Variants in BAG5 observed in about 807,000 individuals in gnomAD.
The protein encoded by BAG5 is BAG family molecular chaperone regulator 5.
A neutral mutation model predicts 31.8 loss-of-function variants in BAG5; 25 were observed. That is an observed-to-expected ratio of 0.79 (90% CI 0.57 to 1.10). The LOEUF is 1.10. Among genes scored for constraint, BAG5 ranks in the 50% least tolerant of loss-of-function variants. BAG5 has a pLI of 0.00. For synonymous variants in BAG5, 208 were observed against 205.0 expected, an observed-to-expected ratio of 1.01 and a Z score of -0.13; for missense variants, 491 against 527.9, an observed-to-expected ratio of 0.93 and a Z score of 0.68.
In BAG5 at chr14:103,560,568, G is replaced by A; in HGVS notation, c.597C>T (p.Val199=). Reference sequence around the variant, plus strand: ...TCACACCCATCAGAAGTGCAATCAGGACCCCTCGGGCCTTGTTCACCTCAC... The same window carrying A: ...TCACACCCATCAGAAGTGCAATCAGAACCCCTCGGGCCTTGTTCACCTCAC... ...VMCEVNKARG[V]LIALLMGVNN... Residue 199 remains valine (V), a synonymous_variant, in exon 2 of 2, where the codon GTC becomes GTT. Coordinates refer to ENST00000299204, the MANE Select transcript of BAG5 (RefSeq NM_001015048.3). 1 of 1,614,064 alleles carries A rather than the reference G, an allele frequency of 6.2e-7. No individual in the cohort carries two copies. The highest frequency in any genetic ancestry group is 8.5e-7 in the Non-Finnish European group (1 of 1,180,010).
Position 103,560,658 on chromosome 14 carries a change from CT to C in BAG5, c.506del (p.Lys169SerfsTer21). ...VQEIIEDCMK[K>X]QPSLPLSEDA... ...CCTCGGAAAGCGGCAGGGAAGGCTG[CT>C]TTTTCATGCAGTCTTCGATTATCTC... On this transcript the variant is annotated frameshift_variant, in exon 2 of 2. Coordinates refer to ENST00000299204, the MANE Select transcript of BAG5 (RefSeq NM_001015048.3). LOFTEE classifies it high-confidence loss of function. 6.2e-7 allele frequency: 1 copy of C among 1,614,152 alleles called. No individual in the cohort carries two copies. Among genetic ancestry groups the C allele is most frequent in the African/African-American group, 1.3e-5 (1 of 75,016 alleles).
chr14:103,560,802 A>G lies in BAG5; in HGVS notation c.363T>C (p.Asp121=). Residue 121 remains aspartate (D), a synonymous_variant, in exon 2 of 2, where the codon GAT becomes GAC. Transcript: ENST00000299204. ...PFYNGGNCVT[D]EFEEGIQDII... ...TATCTTGGATGCCTTCTTCAAACTC[A>G]TCAGTTACGCAGTTGCCTCCATTAT... 6.2e-7 allele frequency: 1 copy of G among 1,613,954 alleles called. No individual in the cohort carries two copies. Among genetic ancestry groups the G allele is most frequent in the Non-Finnish European group, 8.5e-7 (1 of 1,180,002 alleles).
Position 103,558,170 on chromosome 14 carries a change from A to G in BAG5, c.*1651T>C, listed in dbSNP as rs978378391. On this transcript the variant is annotated 3_prime_UTR_variant, in exon 2 of 2. Coordinates refer to ENST00000299204, the MANE Select transcript of BAG5 (RefSeq NM_001015048.3). ...TGGGAAGCTCACGGCCTAAATACCGACTGCCCTCTGACCCCACCGTCCAGC... is the reference window on the plus strand; with the variant it reads ...TGGGAAGCTCACGGCCTAAATACCGGCTGCCCTCTGACCCCACCGTCCAGC... 1 of 152,164 alleles carries G rather than the reference A, an allele frequency of 6.6e-6. No homozygotes were observed. Among genetic ancestry groups the G allele is most frequent in the Non-Finnish European group, 1.5e-5 (1 of 68,024 alleles). 9.4% of individuals were successfully genotyped at this position (152,164 alleles called of 1,614,324 possible). A position where few individuals can be genotyped will look rare whatever the true frequency, so the allele number is the denominator to read the frequency against.
At position 103,559,690 on chromosome 14, in the gene BAG5, G is replaced by A; in HGVS notation, c.*131C>T. On this transcript the variant is annotated 3_prime_UTR_variant, in exon 2 of 2. Transcript: ENST00000299204. The stretch of plus-strand genomic sequence containing the variant: ...TGCAACATCAAAAGCAGCAGATACT[G>A]AATAGAATTTGCTTCAATCATAAAT... The A allele has an allele frequency of 9.2e-7, 1 of 1,081,880 alleles. No homozygotes were observed. Among genetic ancestry groups the A allele is most frequent in the East Asian group, 2.4e-5 (1 of 41,640 alleles). 67.0% of individuals were successfully genotyped at this position (1,081,880 alleles called of 1,614,324 possible). A position where few individuals can be genotyped will look rare whatever the true frequency, so the allele number is the denominator to read the frequency against.
Position 103,559,942 on chromosome 14 carries a change from G to A in BAG5, c.1223C>T (p.Ala408Val), listed in dbSNP as rs201734284. The change falls in exon 2 of 2, where the codon GCC becomes GTC. Residue 408 changes from alanine (A) to valine (V), a missense_variant. Transcript: ENST00000299204. ...TCCCTGCGGATCAACAGCATCCAGG[G>A]CTAGCAGCTGCTTGGTGAGCAGCTC... is the stretch of plus-strand genomic sequence containing the variant. ...LEELLTKQLLALDAVDPQGEE... is the reference protein window; with the variant it reads ...LEELLTKQLLVLDAVDPQGEE... The A allele has an allele frequency of 1.2e-6, 2 of 1,614,194 alleles. No individual in the cohort carries two copies. Among genetic ancestry groups the A allele is most frequent in the East Asian group, 2.2e-5 (1 of 44,892 alleles).
chr14:103,562,055 C>G (rs1381918463), intron 1 of BAG5: 5 of 1,274,694 alleles, frequency 3.9e-6, no homozygotes, highest in Non-Finnish European at 5.7e-6. Context: ...GAAGGCGGCC[C>G]GAGCTGCTTC....
In BAG5 at chr14:103,560,799, C is replaced by T; in HGVS notation, c.366G>A (p.Glu122=). Residue 122 remains glutamate, a synonymous_variant, in exon 2 of 2, where the codon GAG becomes GAA. Coordinates refer to ENST00000299204, the MANE Select transcript of BAG5 (RefSeq NM_001015048.3). The stretch of plus-strand genomic sequence containing the variant: ...TGATATCTTGGATGCCTTCTTCAAA[C>T]TCATCAGTTACGCAGTTGCCTCCAT... ...FYNGGNCVTD[E]FEEGIQDIIL... The T allele has an allele frequency of 6.2e-7, 1 of 1,614,006 alleles. No homozygotes were observed. Among genetic ancestry groups the T allele is most frequent in the Non-Finnish European group, 8.5e-7 (1 of 1,180,008 alleles).
In BAG5 at chr14:103,560,482, T is replaced by C. The variant is rs771612201; in HGVS notation, c.683A>G (p.Asp228Gly). 6.2e-7 allele frequency: 1 copy of C among 1,614,066 alleles called. No homozygotes were observed. Among genetic ancestry groups the C allele is most frequent in the South Asian group, 1.1e-5 (1 of 91,076 alleles). The change falls in exon 2 of 2, where the codon GAT (aspartate) becomes GGT (glycine). Residue 228 changes from aspartate to glycine, a missense_variant. Physicochemically the swap from Asp to Gly is moderately conservative, Grantham distance 94 (BLOSUM62 -1). Coordinates refer to ENST00000299204, the MANE Select transcript of BAG5 (RefSeq NM_001015048.3). ...CVLSGLIADLDALDVCGRTEI... is the reference protein window; with the variant it reads ...CVLSGLIADLGALDVCGRTEI... Reference sequence around the variant, plus strand: ...TGTCCGGCCGCACACATCTAGAGCATCCAGGTCAGCGATCAGCCCCGAGAG... The same window carrying C: ...TGTCCGGCCGCACACATCTAGAGCACCCAGGTCAGCGATCAGCCCCGAGAG...
At chr14:103,562,177 G>C in intron 1 of BAG5, 2 of 612,866 alleles carry the variant, frequency 3.3e-6, no homozygotes, top group Non-Finnish European at 2.9e-6. Context: ...CCCTTTACGG[G>C]GTGCGGCACC....
intron 1 of BAG5, 85 bp from the exon 2 acceptor site, chr14:103,561,277 C>G: frequency 7.1e-7 from 1 of 1,413,044 alleles, no homozygotes; most frequent in Non-Finnish European, 9.5e-7. Context: ...CTAAAATTCT[C>G]ATTTTAAAAA....
Position 103,560,857 on chromosome 14 carries a change from G to C in BAG5, c.308C>G (p.Ser103Cys), listed in dbSNP as rs375395190. ...TGGCACAATTTTCTCTCTCACGAGG[G>C]ACTGGGCTTCCTCAAAAATGTTCTG... ...EIQNIFEEAQ[S>C]LVREKIVPFY... Residue 103 changes from serine (S) to cysteine (C), a missense_variant, in exon 2 of 2, where the codon TCC becomes TGC. Transcript: ENST00000299204. The C allele has an allele frequency of 3.2e-5, 52 of 1,613,952 alleles. No homozygotes were observed. The highest frequency in any genetic ancestry group is 4.2e-5 in the Non-Finnish European group (50 of 1,180,030).
At position 103,560,094 on chromosome 14, in the gene BAG5, C is replaced by A; in HGVS notation, c.1071G>T (p.Leu357=). The change falls in exon 2 of 2, where the codon CTG becomes CTT. Residue 357 remains leucine (L), a synonymous_variant. Coordinates refer to ENST00000299204, the MANE Select transcript of BAG5 (RefSeq NM_001015048.3). ...GGGATGGGTGCTCCTCACAAGCAAACAGCTTTCTTTTCTCAAGGGCCTCCT... is the reference window on the plus strand; with the variant it reads ...GGGATGGGTGCTCCTCACAAGCAAAAAGCTTTCTTTTCTCAAGGGCCTCCT... ...DLKEALEKRK[L]FACEEHPSHK... 1.2e-6 allele frequency: 2 copies of A among 1,614,128 alleles called. No individual in the cohort carries two copies. Among genetic ancestry groups the A allele is most frequent in the Non-Finnish European group, 1.7e-6 (2 of 1,180,030 alleles).
Position 103,560,462 on chromosome 14 carries a change from G to C in BAG5, c.703C>G (p.Arg235Gly), listed in dbSNP as rs749420089. ...ADLDALDVCGRTEIRNYRREV... is the reference protein window; with the variant it reads ...ADLDALDVCGGTEIRNYRREV... ...CTCCGATAATTTCTGATTTCTGTCCGGCCGCACACATCTAGAGCATCCAGG... is the reference window on the plus strand; with the variant it reads ...CTCCGATAATTTCTGATTTCTGTCCCGCCGCACACATCTAGAGCATCCAGG... Residue 235 changes from arginine (R) to glycine (G), a missense_variant, in exon 2 of 2, where the codon CGG becomes GGG. Physicochemically the swap from Arg to Gly is moderately radical, Grantham distance 125. Coordinates refer to ENST00000299204, the MANE Select transcript of BAG5 (RefSeq NM_001015048.3). 1.2e-6 allele frequency: 2 copies of C among 1,613,822 alleles called. No individual in the cohort carries two copies. The highest frequency in any genetic ancestry group is 1.7e-6 in the Non-Finnish European group (2 of 1,180,006).
At position 103,560,583 on chromosome 14, in the gene BAG5, G is replaced by T; in HGVS notation, c.582C>A (p.Asn194Lys). 6.2e-7 allele frequency: 1 copy of T among 1,614,108 alleles called. No individual in the cohort carries two copies. The highest frequency in any genetic ancestry group is 8.5e-7 in the Non-Finnish European group (1 of 1,180,028). The change falls in exon 2 of 2, where the codon AAC (asparagine) becomes AAA (lysine). Residue 194 changes from asparagine to lysine, a missense_variant. Transcript: ENST00000299204. ...AKINFVMCEV[N>K]KARGVLIALL... ...GTGCAATCAGGACCCCTCGGGCCTT[G>T]TTCACCTCACACATCACGAAGTTGA... is the stretch of plus-strand genomic sequence containing the variant.
At position 103,558,798 on chromosome 14, in the gene BAG5, C is replaced by T. The variant is rs1166921675; in HGVS notation, c.*1023G>A. On this transcript the variant is annotated 3_prime_UTR_variant, in exon 2 of 2. Coordinates refer to ENST00000299204, the MANE Select transcript of BAG5 (RefSeq NM_001015048.3). ...CTAGAAAACCTAGGAAGGCCTGGTC[C>T]CTCTGGGTTACTGACAGCGTCTACC... 6.6e-6 allele frequency: 1 copy of T among 152,150 alleles called. No homozygotes were observed. Among genetic ancestry groups the T allele is most frequent in the African/African-American group, 2.4e-5 (1 of 41,412 alleles). 9.4% of individuals were successfully genotyped at this position (152,150 alleles called of 1,614,324 possible).
chr14:103,562,314 C>A (rs1212152377), intron 1 of BAG5: 1 of 387,508 alleles, frequency 2.6e-6, no homozygotes, highest in Admixed American at 4.3e-5. Flanking sequence ...CCAGGGCGCG[C>A]CTGCAGGACG....
intron 1 of BAG5, chr14:103,562,106 G>T (rs1249865850): frequency 1.1e-5 from 9 of 830,252 alleles, no homozygotes; most frequent in African/African-American, 1.7e-5. Flanking sequence ...TTACCCAAAA[G>T]AAGTCTGAAT....
rs1293961044 is a variant in BAG5, at chr14:103,559,328, G to T, written c.*493C>A. ...AAAAAAACCCCACCCCGTTAAGCTG[G>T]GTAGGACCAATCAGGCCTTATAAGT... On this transcript the variant is annotated 3_prime_UTR_variant, in exon 2 of 2. Transcript: ENST00000299204. 6.5e-6 allele frequency: 1 copy of T among 153,746 alleles called. No homozygotes were observed. Among genetic ancestry groups the T allele is most frequent in the Non-Finnish European group, 1.4e-5 (1 of 69,156 alleles). 9.5% of individuals were successfully genotyped at this position (153,746 alleles called of 1,614,324 possible).
chr14:103,561,055 T>C lies in BAG5; in HGVS notation c.110A>G (p.Lys37Arg). 1 of 1,613,016 alleles carries C rather than the reference T, an allele frequency of 6.2e-7. No homozygotes were observed. Among genetic ancestry groups the C allele is most frequent in the South Asian group, 1.1e-5 (1 of 91,090 alleles). ...AATCCTCTCCAGTTTCTTGTAATTC[T>C]TGTCATCTGACAGACCACTGAAGCC... Reference protein sequence around the residue: ...VIGFSGLSDDKNYKKLERILT... With the variant: ...VIGFSGLSDDRNYKKLERILT... The change falls in exon 2 of 2, where the codon AAG becomes AGG. Residue 37 changes from lysine (K) to arginine (R), a missense_variant. Transcript: ENST00000299204.
Sources: gnomAD v4.1 joint callset for allele counts on GRCh38, gnomAD v4.1.1 for gene constraint, MANE v1.5 for transcripts, NCBI Gene and HGNC (gene_info 2026-07-23, HGNC 2026-07-21) for gene names.